The following DALRD3 variants were observed in gnomAD, a reference collection of about 807,000 sequenced individuals.
DALRD3 encodes the protein DALR anticodon-binding domain-containing protein 3.
Under a neutral mutation model 56.7 loss-of-function variants are expected in DALRD3, and 47 were observed. That is an observed-to-expected ratio of 0.83 (90% CI 0.66 to 1.06). The LOEUF (loss-of-function observed/expected upper bound fraction) is 1.06. Among genes scored for constraint, DALRD3 ranks in the 50% least tolerant of loss-of-function variants. The probability of loss-of-function intolerance (pLI) is 0.00; values close to 1 mark genes in which losing one functional copy is unlikely to be tolerated. For synonymous variants in DALRD3, 347 were observed against 308.5 expected, an observed-to-expected ratio of 1.12 and a Z score of -1.31; for missense variants, 787 against 724.0, an observed-to-expected ratio of 1.09 and a Z score of -1.00.
chr3:49,018,629 C>G (rs1489195275), upstream of DALRD3: 2 of 1,467,734 alleles, frequency 1.4e-6, no homozygotes, highest in East Asian at 5.3e-5. Context: ...CGGAAAGGAC[C>G]GACTAGCTGG....
rs1324830182 is a variant in DALRD3 at position 49,017,493 on chromosome 3, C to G, written c.739G>C (p.Val247Leu). Residue 247 changes from valine to leucine, a missense_variant, in exon 4 of 12, where the codon GTG becomes CTG. Val to Leu is a conservative substitution (Grantham distance 32). Coordinates refer to ENST00000341949, the MANE Select transcript of DALRD3 (RefSeq NM_001009996.3). ...AGAGCCTCTTGCAGCTCAGCCAGCA[C>G]AGAGAGGAGATCCTCAGTCACTGAA... ...NCLVTEDLLS[V>L]LAELQEALWH... 6.2e-7 allele frequency: 1 copy of G among 1,614,116 alleles called. No homozygotes were observed. Among genetic ancestry groups the G allele is most frequent in the Non-Finnish European group, 8.5e-7 (1 of 1,180,038 alleles).
chr3:49,017,980 G>A (rs755934243), intron 2 of DALRD3, 43 bp downstream of exon 2: 51 of 1,486,384 alleles, frequency 3.4e-5, no homozygotes, highest in Non-Finnish European at 4.2e-5. Context: ...CTAGGTACCC[G>A]GCAGTCCCAC....
rs769542477 is a variant in DALRD3, at chr3:49,018,532, C to T, written c.33G>A (p.Thr11=). The change falls in exon 1 of 12, where the codon ACG becomes ACA. Residue 11 remains threonine, a synonymous_variant. Coordinates refer to ENST00000341949, the MANE Select transcript of DALRD3 (RefSeq NM_001009996.3). MATRRLGVGE[T]LGALNAALGP... ...CCAGGGCCGCGTTGAGGGCCCCCAGCGTCTCCCCGACCCCAAGGCGCCTGG... is the reference window on the plus strand; with the variant it reads ...CCAGGGCCGCGTTGAGGGCCCCCAGTGTCTCCCCGACCCCAAGGCGCCTGG... 1 of 1,583,284 alleles carries T rather than the reference C, an allele frequency of 6.3e-7. No homozygotes were observed. Among genetic ancestry groups the T allele is most frequent in the East Asian group, 2.3e-5 (1 of 43,318 alleles).
At position 49,015,816 on chromosome 3, in the gene DALRD3, T is replaced by A. The variant is rs768216071; in HGVS notation, c.1500A>T (p.Val500=). The A allele has an allele frequency of 6.2e-7, 1 of 1,614,140 alleles. No individual in the cohort carries two copies. The change falls in exon 11 of 12, where the codon GTA becomes GTT. Residue 500 remains valine, a synonymous_variant. Transcript: ENST00000341949. ...GCTGTGTGCTCACCCCCAGGATGTG[T>A]ACCCGGTTGTAGTAGGAGCTGAAAT... ...SMDFSSYYNR[V]HILGEPRPHL...
At position 49,016,338 on chromosome 3, in the gene DALRD3, G is replaced by A; in HGVS notation, c.1149C>T (p.Leu383=). The change falls in exon 9 of 12, where the codon CTC becomes CTT. Residue 383 remains leucine (L), a splice_region_variant and synonymous_variant. Coordinates refer to ENST00000341949, the MANE Select transcript of DALRD3 (RefSeq NM_001009996.3). The part of the protein sequence containing the change: ...EMLSTAPQSQ[L]FLALADSSIS... ...TACTGCTGTCAGCCAGAGCCAGGAAGAGCTGGGGAATAGAAGCACAGCTGC... is the reference window on the plus strand; with the variant it reads ...TACTGCTGTCAGCCAGAGCCAGGAAAAGCTGGGGAATAGAAGCACAGCTGC... 1 of 1,607,056 alleles carries A rather than the reference G, an allele frequency of 6.2e-7. No homozygotes were observed. Among genetic ancestry groups the A allele is most frequent in the Non-Finnish European group, 8.5e-7 (1 of 1,174,456 alleles).
At chr3:49,018,603 A>G, upstream of DALRD3, 2 of 1,510,258 alleles carry the variant, frequency 1.3e-6, no homozygotes, top group Non-Finnish European at 1.8e-6. Flanking sequence ...AAAAAAATTT[A>G]GGGAGGTGGA....
rs771601619 is a variant in DALRD3 at position 49,016,843 on chromosome 3, T to C, written c.932A>G (p.His311Arg). The change falls in exon 6 of 12, where the codon CAC (histidine) becomes CGC (arginine). Residue 311 changes from histidine to arginine, a missense_variant. By Grantham distance (29) the His-to-Arg change is conservative. Coordinates refer to ENST00000341949, the MANE Select transcript of DALRD3 (RefSeq NM_001009996.3). ...LVDKAPLRQK[H>R]LICGPVKVAG... ...TACTTTCACAGGGCCACAGATGAGG[T>C]GCTTCTGTCAGAAAGATGTCAGGGG... 8 of 1,613,986 alleles carry C rather than the reference T, an allele frequency of 5.0e-6. No homozygotes were observed. In the Admixed American group the frequency reaches 1.0e-4, roughly 20 times the overall value.
upstream of DALRD3, chr3:49,021,316 A>G (rs2093154525): frequency 6.6e-6 from 1 of 151,652 alleles, no homozygotes; most frequent in South Asian, 2.1e-4. The surrounding 1 kb of genome is among the most constrained non-coding windows in gnomAD (Gnocchi z 4.1). Context: ...GGGGCCAGCG[A>G]CTCTCGCGCC....
upstream of DALRD3, chr3:49,021,201 C>G (rs1475958675): frequency 1.3e-5 from 2 of 152,630 alleles, no homozygotes; most frequent in Non-Finnish European, 2.9e-5. The surrounding 1 kb of genome is among the most constrained non-coding windows in gnomAD (Gnocchi z 4.1). Context: ...CAGGCTCCCA[C>G]TGTGCCGAGC....
upstream of DALRD3, chr3:49,019,195 C>A (rs987596815): frequency 1.3e-5 from 3 of 234,288 alleles, no homozygotes; most frequent in Admixed American, 2.0e-4. Flanking sequence ...TCCTCAGCCT[C>A]CCGAGTAGCT....
chr3:49,015,994 G>A lies in DALRD3; in HGVS notation c.1422C>T (p.His474=), dbSNP rs373458866. 5 of 1,612,350 alleles carry A rather than the reference G, an allele frequency of 3.1e-6. No homozygotes were observed. Among genetic ancestry groups the A allele is most frequent in the Non-Finnish European group, 3.4e-6 (4 of 1,178,842 alleles). The change falls in exon 10 of 12, where the codon CAC becomes CAT. Residue 474 remains histidine, a synonymous_variant. Transcript: ENST00000341949. ...AVLDCTAPGL[H]IAVRTEMICK... Reference sequence around the variant, plus strand: ...TCACCATCTCTGTGCGTACAGCAATGTGGAGCCCCGGGGCTGTGCAGTCCA... The same window carrying A: ...TCACCATCTCTGTGCGTACAGCAATATGGAGCCCCGGGGCTGTGCAGTCCA...
At position 49,017,133 on chromosome 3, in the gene DALRD3, T is replaced by C. The variant is rs1575290168; in HGVS notation, c.927+95A>G. The C allele has an allele frequency of 3.8e-6, 6 of 1,562,638 alleles. No homozygotes were observed. In the East Asian group the frequency reaches 1.3e-4, roughly 35 times the overall value. On this transcript the variant is annotated intron_variant, in intron 5 of 11. Transcript: ENST00000341949. ...CAACTCCCCCAAGGTCAAGTGTTGG[T>C]TTCTGTCAGCTAACAAGCCCCTCGG...
Position 49,017,341 on chromosome 3 carries a change from T to C in DALRD3, c.814A>G (p.Thr272Ala). 6.2e-7 allele frequency: 1 copy of C among 1,614,180 alleles called. No homozygotes were observed. Among genetic ancestry groups the C allele is most frequent in the Non-Finnish European group, 8.5e-7 (1 of 1,180,036 alleles). Residue 272 changes from threonine to alanine, a missense_variant, in exon 5 of 12, where the codon ACT becomes GCT. By Grantham distance (58) the Thr-to-Ala change is moderately conservative (BLOSUM62 0). Transcript: ENST00000341949. ...SHPGLAGASD[T>A]GTGGCLVVHV... ...ACAACCAGGCAGCCGCCTGTACCAG[T>C]ATCTGAGGCCCCAGCCTAAGGGAGG...
upstream of DALRD3, chr3:49,020,600 T>G (rs2093146199): frequency 2.1e-6 from 1 of 480,122 alleles, no homozygotes; most frequent in Non-Finnish European, 4.3e-6. Context: ...GCACCCCATC[T>G]GGGCCAGGGC....
chr3:49,018,275 G>C lies in DALRD3; in HGVS notation c.209C>G (p.Pro70Arg), dbSNP rs2093115213. 6.9e-7 allele frequency: 1 copy of C among 1,445,620 alleles called. No individual in the cohort carries two copies. The highest frequency in any genetic ancestry group is 9.0e-7 in the Non-Finnish European group (1 of 1,107,580). 89.5% of individuals were successfully genotyped at this position (1,445,620 alleles called of 1,614,324 possible). Residue 70 changes from proline (P) to arginine (R), a missense_variant, in exon 2 of 12, where the codon CCC becomes CGC. Coordinates refer to ENST00000341949, the MANE Select transcript of DALRD3 (RefSeq NM_001009996.3). Reference sequence around the variant, plus strand: ...GCAGCGCAGCACCGGGGCCACACCGGGGCCCTGCAGGCAGGCGAGGGCATG... The same window carrying C: ...GCAGCGCAGCACCGGGGCCACACCGCGGCCCTGCAGGCAGGCGAGGGCATG... Reference protein sequence around the residue: ...LLHALACLQGPGVAPVLRCAP... With the variant: ...LLHALACLQGRGVAPVLRCAP...
At chr3:49,020,748 C>T (rs765517699), upstream of DALRD3, 2 of 457,906 alleles carry the variant, frequency 4.4e-6, no homozygotes, top group Non-Finnish European at 9.1e-6. Context: ...CCAGGTCACT[C>T]GCCCTGGGGC....
chr3:49,018,198 C>G lies in DALRD3; in HGVS notation c.286G>C (p.Glu96Gln), dbSNP rs948896947. 9.7e-6 allele frequency: 14 copies of G among 1,446,426 alleles called. No homozygotes were observed. In the Admixed American group the frequency reaches 1.2e-4, roughly 12 times the overall value. The allele number at this position is 1,446,426 out of a possible 1,614,324, so 89.6% of individuals were successfully genotyped here. ...SLQLQRSAVF[E>Q]RVLSAVAAYA... ...GCGGCCACGGCGCTGAGGACGCGCT[C>G]GAAGACGGCGGACCGCTGCAGTTGG... The change falls in exon 2 of 12, where the codon GAG becomes CAG. Residue 96 changes from glutamate (E) to glutamine (Q), a missense_variant. Glu to Gln is a conservative substitution (Grantham distance 29). Transcript: ENST00000341949.
At chr3:49,019,567 C>G (rs1398297364), upstream of DALRD3, among the ~76,000 whole-genome samples, 2 of 151,708 alleles carry the variant, frequency 1.3e-5, no homozygotes, top group African/African-American at 4.8e-5. Context: ...GCAACCTCCC[C>G]CTCCCGGGTT....
chr3:49,020,413 T>C (rs1187752848), upstream of DALRD3: 1 of 393,542 alleles, frequency 2.5e-6, no homozygotes, highest in African/African-American at 2.1e-5. Context: ...GTCACTACCA[T>C]TGCAGCCCTA....
Sources: allele counts gnomAD v4.1 joint callset (sites outside exome capture counted in the v4.1 genomes callset), GRCh38; gene constraint gnomAD v4.1.1; non-coding constraint Gnocchi (gnomAD v3.1); transcripts MANE v1.5; gene names NCBI Gene and HGNC (gene_info 2026-07-23, HGNC 2026-07-21).